The following TMTC4 variants were observed in gnomAD, a reference collection of about 807,000 sequenced individuals.
TMTC4 encodes the protein transmembrane O-mannosyltransferase targeting cadherins 4.
TMTC4 carries 65 observed loss-of-function variants against 86.0 expected under a neutral mutation model. The ratio of observed to expected loss-of-function variants is 0.76; its 90% CI spans 0.62 to 0.93. The LOEUF (loss-of-function observed/expected upper bound fraction) is 0.93, where lower values mean the gene tolerates loss of function less well. Ranked by LOEUF, TMTC4 falls within the 40% of genes least tolerant of loss-of-function variation. The probability of loss-of-function intolerance (pLI) is 0.00; values close to 1 mark genes in which losing one functional copy is unlikely to be tolerated. For synonymous variants in TMTC4, 379 were observed against 382.5 expected (o/e 0.99, Z 0.11); for missense variants, 866 against 948.1 (o/e 0.91, Z 1.14).
intron 16 of TMTC4, among the ~76,000 whole-genome samples, chr13:100,612,845 G>A (rs1323467730): frequency 2.0e-5 from 3 of 152,066 alleles, no homozygotes; most frequent in African/African-American, 7.2e-5. Flanking sequence ...CAAAATAAGA[G>A]GATGACAGTA....
In TMTC4 at chr13:100,657,759, C is replaced by T. The variant is rs570134477; in HGVS notation, c.553-1291G>A. Among the ~76,000 whole-genome samples the T allele has an allele frequency of 3.3e-5, 5 of 152,310 alleles. No individual in the cohort carries two copies. The South Asian group carries it at 1.0e-3, about 32-fold the overall frequency. ...ATCAAGATAAGAAAATATACACTGA[C>T]TACGAAATTACTATATTTACATATG... On this transcript the variant is annotated intron_variant, in intron 5 of 18. Coordinates refer to ENST00000342624, the MANE Select transcript of TMTC4 (RefSeq NM_032813.5).
intron 3 of TMTC4, among the ~76,000 whole-genome samples, chr13:100,664,912 C>T (rs575451119): frequency 4.6e-5 from 7 of 152,240 alleles, no homozygotes; most frequent in South Asian, 4.1e-4. Context: ...GTGCTTAATA[C>T]GTGTCAAATA....
chr13:100,638,547 G>A (rs1467578392), intron 7 of TMTC4: 1 of 152,270 alleles, frequency 6.6e-6, no homozygotes, highest in African/African-American at 2.4e-5. Flanking sequence ...GAGATCTCTT[G>A]TGCAGAAATC....
Position 100,636,594 on chromosome 13 carries a change from G to C in TMTC4, c.1140C>G (p.Leu380=). The change falls in exon 10 of 19, where the codon CTC becomes CTG. Residue 380 remains leucine (L), a synonymous_variant. Coordinates refer to ENST00000342624, the MANE Select transcript of TMTC4 (RefSeq NM_032813.5). ...SDWRVIALAA[L]WFCLIGLICQ... is the part of the protein sequence containing the mutation. ...ATATCAGGCCAATTAGGCAGAACCA[G>C]AGTGCTGCAAGTGCAATTACCCTCC... The C allele has an allele frequency of 1.2e-6, 2 of 1,614,208 alleles. No individual in the cohort carries two copies. Among genetic ancestry groups the C allele is most frequent in the Non-Finnish European group, 1.7e-6 (2 of 1,180,040 alleles).
intron 15 of TMTC4, among the ~76,000 whole-genome samples, chr13:100,615,476 G>T (rs779223262): frequency 1.3e-5 from 2 of 151,892 alleles, no homozygotes; most frequent in African/African-American, 2.4e-5. Flanking sequence ...TCGCTCTGTT[G>T]CCCAGGCTGG....
rs3059451 is a variant in TMTC4 at position 100,649,762 on chromosome 13, AAAATAAATAAAT to A, written c.640+6607_640+6618del. Among the ~76,000 whole-genome samples the A allele has an allele frequency of 4.0e-4, 59 of 148,768 alleles. 1 individual carries two copies. Among genetic ancestry groups the A allele is most frequent in the Middle Eastern group, 3.5e-3 (1 of 288 alleles). ...CGCCATCATTAAGATATTCTTCTTC[AAAATAAATAAAT>A]AAATAAATAAATAAATAAATAAAAA... On this transcript the variant is annotated intron_variant, in intron 6 of 18. Coordinates refer to ENST00000342624, the MANE Select transcript of TMTC4 (RefSeq NM_032813.5).
chr13:100,607,822 G>A (rs1444680609), intron 17 of TMTC4, among the ~76,000 whole-genome samples: 2 of 152,110 alleles, frequency 1.3e-5, no homozygotes, highest in African/African-American at 4.8e-5. Context: ...ACTTAAGAAA[G>A]ACATCAGGAC....
intron 6 of TMTC4, among the ~76,000 whole-genome samples, chr13:100,654,788 A>C (rs1403722724): frequency 6.6e-6 from 1 of 152,070 alleles, no homozygotes; most frequent in African/African-American, 2.4e-5. Context: ...CACAAGAGCA[A>C]TCTTTAGAAG....
At chr13:100,634,764 C>T in intron 12 of TMTC4, 41 bp downstream of exon 12, 1 of 1,599,728 alleles carries the variant, frequency 6.3e-7, no homozygotes, top group South Asian at 1.1e-5. Context: ...TAACAGATAC[C>T]CTAGTAAGGT....
intron 3 of TMTC4, among the ~76,000 whole-genome samples, chr13:100,667,124 T>C (rs934565268): frequency 2.6e-5 from 4 of 152,124 alleles, no homozygotes; most frequent in Admixed American, 2.6e-4. Context: ...AAATTACAAA[T>C]GAAGAACTTG....
chr13:100,674,331 G>C, intron 1 of TMTC4: 1 of 978,822 alleles, frequency 1.0e-6, no homozygotes, highest in Non-Finnish European at 1.2e-6. Flanking sequence ...CGGCCAGCTG[G>C]CGGCCAGGCG....
At chr13:100,642,526 C>T (rs971480955) in intron 6 of TMTC4, among the ~76,000 whole-genome samples, 1 of 152,148 alleles carries the variant, frequency 6.6e-6, no homozygotes, top group African/African-American at 2.4e-5. Context: ...TGAGAACGTG[C>T]CCAGGGCCTT....
intron 5 of TMTC4, among the ~76,000 whole-genome samples, chr13:100,657,052 A>T (rs1007828144): frequency 2.0e-5 from 3 of 152,162 alleles, no homozygotes; most frequent in Non-Finnish European, 2.9e-5. Context: ...CTGGACACAG[A>T]CGGCGATATG....
At chr13:100,662,027 T>C (rs1183391980) in intron 5 of TMTC4, among the ~76,000 whole-genome samples, 1 of 151,984 alleles carries the variant, frequency 6.6e-6, no homozygotes, top group Non-Finnish European at 1.5e-5. Context: ...CCTGACAACT[T>C]CACAAATGCC....
Position 100,637,400 on chromosome 13 carries a change from G to C in TMTC4, c.999+138C>G, listed in dbSNP as rs1029559086. 2.6e-6 allele frequency: 3 copies of C among 1,173,240 alleles called. No homozygotes were observed. The African/African-American group carries it at 4.6e-5, about 18-fold the overall frequency. The allele number at this position is 1,173,240 out of a possible 1,614,324, so 72.7% of individuals were successfully genotyped here. The stretch of plus-strand genomic sequence containing the variant: ...TCATCCCAGAACATCTTTAGTGATC[G>C]CAAGCAAACATGGAGGTGGCGCGTG... On this transcript the variant is annotated intron_variant, in intron 9 of 18. Transcript: ENST00000342624.
chr13:100,618,307 C>T (rs2138749428), intron 15 of TMTC4, among the ~76,000 whole-genome samples: 1 of 152,210 alleles, frequency 6.6e-6, no homozygotes, highest in Middle Eastern at 3.4e-3. Flanking sequence ...TTCTTCTTTT[C>T]CTATTTACAT....
chr13:100,606,766 A>G (rs1210248992), intron 17 of TMTC4, among the ~76,000 whole-genome samples: 2 of 152,190 alleles, frequency 1.3e-5, no homozygotes, highest in Admixed American at 6.5e-5. Context: ...GAGAAGGCTG[A>G]GCCGTGGAGC....
At chr13:100,625,492 A>G in intron 15 of TMTC4, 43 bp downstream of exon 15, 1 of 1,608,360 alleles carries the variant, frequency 6.2e-7, no homozygotes, top group Non-Finnish European at 8.5e-7. Flanking sequence ...TAAGAAAAAT[A>G]ACCCATCTTT....
chr13:100,654,675 C>T (rs1222871056), intron 6 of TMTC4, among the ~76,000 whole-genome samples: 1 of 151,948 alleles, frequency 6.6e-6, no homozygotes, highest in East Asian at 1.9e-4. Flanking sequence ...AATGTCTAGC[C>T]TTTTCACTTT....
Sources: gnomAD v4.1 joint callset for allele counts (sites outside exome capture counted in the v4.1 genomes callset) on GRCh38, gnomAD v4.1.1 for gene constraint, MANE v1.5 for transcripts, NCBI Gene and HGNC (gene_info 2026-07-23, HGNC 2026-07-21) for gene names.